CNTNAP2: variants seen among roughly 807,000 people sequenced by gnomAD.
CNTNAP2 encodes contactin associated protein 2, also known as contactin-associated protein-like 2.
In CNTNAP2, 98 loss-of-function variants were observed where a neutral mutation model predicts 155.2. The observed-to-expected ratio is 0.63, with a 90% CI of 0.54 to 0.75. CNTNAP2 has a LOEUF of 0.75. CNTNAP2 is among the 30% of genes least tolerant of loss of function. The pLI is 0.00. For synonymous variants in CNTNAP2, 651 were observed against 631.2 expected (o/e 1.03, Z -0.47); for missense variants, 1,727 against 1,688.1 (o/e 1.02, Z -0.40).
chr7:147,503,976 G>A (rs1282015950), intron 11 of CNTNAP2, among the ~76,000 whole-genome samples: 2 of 152,188 alleles, frequency 1.3e-5, no homozygotes, highest in Non-Finnish European at 2.9e-5. Flanking sequence ...ATGTAAGGAA[G>A]ATATTTTATT....
intron 9 of CNTNAP2, among the ~76,000 whole-genome samples, chr7:147,326,736 C>T (rs972079734): frequency 3.1e-4 from 47 of 152,164 alleles, no homozygotes; most frequent in Admixed American, 7.9e-4. Flanking sequence ...GGTAACAGCT[C>T]TTCTAGTGGG....
chr7:148,256,779 AGCCCCCAGACCCAG>A (rs1796462279), intron 20 of CNTNAP2, among the ~76,000 whole-genome samples: 1 of 152,070 alleles, frequency 6.6e-6, no homozygotes, highest in South Asian at 2.1e-4. Context: ...TGGACCGGAG[AGCCCCCAGACCCAG>A]GCGTAGGCTT....
At chr7:147,514,092 A>C (rs181520525) in intron 11 of CNTNAP2, among the ~76,000 whole-genome samples, 153 of 152,304 alleles carry the variant, frequency 1.0e-3, no homozygotes, top group Non-Finnish European at 1.7e-3. Context: ...ATATTATTAA[A>C]AGTTATCCTT....
At chr7:148,131,335 G>C (rs1020092373) in intron 16 of CNTNAP2, among the ~76,000 whole-genome samples, 3 of 151,930 alleles carry the variant, frequency 2.0e-5, no homozygotes, top group Non-Finnish European at 2.9e-5. Context: ...CTGACCTTGT[G>C]ATCTGCCTGC....
intron 3 of CNTNAP2, among the ~76,000 whole-genome samples, chr7:146,993,608 G>A (rs1181290003): frequency 6.6e-6 from 1 of 152,104 alleles, no homozygotes; most frequent in Non-Finnish European, 1.5e-5. Flanking sequence ...TCCTGGTGGA[G>A]AGCAGGGAGA....
In CNTNAP2 at chr7:146,239,042, G is replaced by A. The variant is rs974618619; in HGVS notation, c.97+122069G>A. Among the ~76,000 whole-genome samples the A allele has an allele frequency of 5.3e-5, 8 of 152,256 alleles. No individual in the cohort carries two copies. In the East Asian group the frequency reaches 1.5e-3, roughly 29 times the overall value. On this transcript the variant is annotated intron_variant, in intron 1 of 23. Transcript: ENST00000361727. ...CAGCCAAACTATATCACATGCTAAA[G>A]CAGCCAATAATATCTCTAGGAAAAT...
chr7:146,363,880 G>T (rs1277685351), intron 1 of CNTNAP2, among the ~76,000 whole-genome samples: 1 of 152,140 alleles, frequency 6.6e-6, no homozygotes, highest in Non-Finnish European at 1.5e-5. Context: ...ATGCCGAAGA[G>T]AAAATGATAA....
intron 12 of CNTNAP2, among the ~76,000 whole-genome samples, chr7:147,566,630 A>G (rs141431152): frequency 3.5e-4 from 53 of 152,204 alleles, no homozygotes; most frequent in Middle Eastern, 3.4e-3. Context: ...AACACTTATA[A>G]AACCATTAGA....
intron 21 of CNTNAP2, among the ~76,000 whole-genome samples, chr7:148,284,767 G>A (rs890996985): frequency 2.3e-4 from 35 of 152,102 alleles, no homozygotes; most frequent in African/African-American, 8.0e-4. Context: ...TAACGACCTG[G>A]AATTTAAACT....
intron 2 of CNTNAP2, among the ~76,000 whole-genome samples, chr7:146,801,446 T>G (rs1404817425): frequency 1.3e-5 from 2 of 152,174 alleles, no homozygotes; most frequent in Non-Finnish European, 2.9e-5. Context: ...AAGGTACAAA[T>G]TAAGTAATAT....
intron 12 of CNTNAP2, among the ~76,000 whole-genome samples, chr7:147,582,477 T>G (rs146765704): frequency 9.2e-5 from 14 of 152,096 alleles, no homozygotes; most frequent in African/African-American, 3.4e-4. Context: ...TTTCCTATAT[T>G]TAATATGCAG....
intron 1 of CNTNAP2, among the ~76,000 whole-genome samples, chr7:146,290,162 T>C (rs955711179): frequency 3.3e-5 from 5 of 152,294 alleles, no homozygotes; most frequent in African/African-American, 1.2e-4. Context: ...AGTTGGAAGA[T>C]TGCTTGAGAC....
At chr7:146,458,205 A>G (rs1796585506) in intron 1 of CNTNAP2, among the ~76,000 whole-genome samples, 1 of 152,124 alleles carries the variant, frequency 6.6e-6, no homozygotes, top group Non-Finnish European at 1.5e-5. Context: ...CTTAATACCT[A>G]GGTGATAGGT....
intron 2 of CNTNAP2, among the ~76,000 whole-genome samples, chr7:146,810,608 T>A (rs1803048050): frequency 1.4e-5 from 2 of 146,226 alleles, no homozygotes; most frequent in South Asian, 4.1e-4. Flanking sequence ...TATTTTCCAA[T>A]TAGGATGCTT....
intron 13 of CNTNAP2, among the ~76,000 whole-genome samples, chr7:147,669,604 T>C (rs942968116): frequency 2.6e-5 from 4 of 152,202 alleles, no homozygotes; most frequent in African/African-American, 9.7e-5. Context: ...TTGGTAGTCG[T>C]TACTGGTAGT....
intron 1 of CNTNAP2, among the ~76,000 whole-genome samples, chr7:146,684,417 T>C (rs1201229428): frequency 3.3e-5 from 5 of 151,972 alleles, no homozygotes; most frequent in Non-Finnish European, 7.4e-5. Flanking sequence ...CAAATGGAGG[T>C]AAAAAATCAA....
intron 4 of CNTNAP2, among the ~76,000 whole-genome samples, chr7:147,060,693 T>C (rs1799647895): frequency 6.6e-6 from 1 of 152,024 alleles, no homozygotes; most frequent in Non-Finnish European, 1.5e-5. Context: ...AAACCCCGTC[T>C]CTACTAAAAA....
chr7:146,633,843 A>G (rs892948638), intron 1 of CNTNAP2, among the ~76,000 whole-genome samples: 1 of 150,438 alleles, frequency 6.6e-6, no homozygotes, highest in Non-Finnish European at 1.5e-5. Flanking sequence ...AAAAAAAAAA[A>G]AAAAAAAAAA....
Position 147,635,063 on chromosome 7 carries a change from G to A in CNTNAP2, c.1898-4043G>A, listed in dbSNP as rs555741437. 3.6e-3 allele frequency among the ~76,000 whole-genome samples: 543 copies of A among 152,074 alleles called. 16 individuals carry two copies. Among genetic ancestry groups the A allele is most frequent in the Non-Finnish European group, 1.4e-3 (93 of 68,018 alleles). ...GGATAACTACCTTACACATTCAAAT[G>A]TTATTTTCTCAGTGAAGCCTTTTGC... On this transcript the variant is annotated intron_variant, in intron 12 of 23. Transcript: ENST00000361727.
Sources: gnomAD v4.1 joint callset for allele counts (sites outside exome capture counted in the v4.1 genomes callset) on GRCh38, gnomAD v4.1.1 for gene constraint, MANE v1.5 for transcripts, NCBI Gene and HGNC (gene_info 2026-07-23, HGNC 2026-07-21) for gene names.